SRBD1: variants seen among roughly 807,000 people sequenced by gnomAD.
The protein encoded by SRBD1 is S1 RNA binding domain 1.
A neutral mutation model predicts 115.3 loss-of-function variants in SRBD1; 88 were observed. That is an observed-to-expected ratio of 0.76 (90% CI 0.64 to 0.91). SRBD1 has a LOEUF of 0.91. Ranked by LOEUF, SRBD1 falls within the 40% of genes least tolerant of loss-of-function variation. The pLI is 0.00. For synonymous variants in SRBD1, 509 were observed against 407.7 expected (o/e 1.25, Z -2.99); for missense variants, 1,385 against 1,177.4 (o/e 1.18, Z -2.58).
chr2:45,492,797 T>G (rs1480597849), intron 14 of SRBD1, among the ~76,000 whole-genome samples: 1 of 152,210 alleles, frequency 6.6e-6, no homozygotes, highest in African/African-American at 2.4e-5. Context: ...TTTACAAGAT[T>G]TCATGAAGAC....
chr2:45,499,294 T>C (rs1053929443), intron 14 of SRBD1, among the ~76,000 whole-genome samples: 4 of 152,218 alleles, frequency 2.6e-5, no homozygotes, highest in Middle Eastern at 3.2e-3. Flanking sequence ...CTGTATGTCT[T>C]CTTCTGAGAA....
chr2:45,565,756 C>G (rs764400883), intron 9 of SRBD1, among the ~76,000 whole-genome samples: 1 of 152,168 alleles, frequency 6.6e-6, no homozygotes, highest in Non-Finnish European at 1.5e-5. Context: ...AAAACTCCTA[C>G]AGCTCAACAA....
At chr2:45,412,828 T>C (rs1033848572) in intron 19 of SRBD1, among the ~76,000 whole-genome samples, 7 of 152,222 alleles carry the variant, frequency 4.6e-5, no homozygotes, top group African/African-American at 1.4e-4. Context: ...AATTGTGTCT[T>C]GTTAATTTCC....
At chr2:45,565,238 T>C (rs1672789902) in intron 9 of SRBD1, among the ~76,000 whole-genome samples, 1 of 152,124 alleles carries the variant, frequency 6.6e-6, no homozygotes, top group South Asian at 2.1e-4. Context: ...CAAAACTGAC[T>C]ACAAAGCCAC....
At chr2:45,390,906 T>A (rs1030180294) in intron 20 of SRBD1, among the ~76,000 whole-genome samples, 3 of 152,236 alleles carry the variant, frequency 2.0e-5, no homozygotes, top group Non-Finnish European at 2.9e-5. Flanking sequence ...TTTTACCTGA[T>A]GCTAAAGCAG....
At chr2:45,484,646 GC>G (rs1420576782) in intron 15 of SRBD1, among the ~76,000 whole-genome samples, 2 of 152,130 alleles carry the variant, frequency 1.3e-5, no homozygotes, top group Non-Finnish European at 2.9e-5. Context: ...GTGCTACTTA[GC>G]ATACTTGCAA....
chr2:45,574,485 T>C, intron 8 of SRBD1, 142 bp downstream of exon 8: 2 of 673,694 alleles, frequency 3.0e-6, no homozygotes, highest in Non-Finnish European at 5.0e-6. Flanking sequence ...ATTTGGGCTC[T>C]GTTGTTTGAA....
rs1467686244 is a variant in SRBD1, at chr2:45,581,723, A to G, written c.903T>C (p.Asn301=). 2 of 1,613,522 alleles carry G rather than the reference A, an allele frequency of 1.2e-6. No individual in the cohort carries two copies. Among genetic ancestry groups the G allele is most frequent in the South Asian group, 1.1e-5 (1 of 91,048 alleles). Residue 301 remains asparagine (N), a synonymous_variant, in exon 6 of 21, where the codon AAT becomes AAC. Transcript: ENST00000263736. ...GTTCTAGTTCTTCAAAAGTTTTACA[A>G]TTCAGCATGGCTTTTAACAAGCACT... ...MSECLLKAML[N]CKTFEELEHV... is the part of the protein sequence containing the mutation.
intron 16 of SRBD1, among the ~76,000 whole-genome samples, chr2:45,476,570 C>T (rs756936073): frequency 3.9e-4 from 59 of 152,236 alleles, no homozygotes; most frequent in African/African-American, 1.3e-3. Context: ...ACAACAAAAA[C>T]GAGTACTATT....
At chr2:45,573,153 C>G in intron 9 of SRBD1, 54 bp downstream of exon 9, 3 of 1,497,346 alleles carry the variant, frequency 2.0e-6, no homozygotes, top group Non-Finnish European at 2.7e-6. Context: ...CAGGCAAATC[C>G]AAAATATTAT....
intron 5 of SRBD1, among the ~76,000 whole-genome samples, chr2:45,582,463 T>C (rs1673394917): frequency 6.6e-6 from 1 of 152,234 alleles, no homozygotes; most frequent in Admixed American, 6.5e-5. Flanking sequence ...ACACAGGTAC[T>C]CTTTATTCCT....
chr2:45,605,272 C>T (rs915861200), intron 2 of SRBD1, 90 bp downstream of exon 2: 1 of 1,296,572 alleles, frequency 7.7e-7, no homozygotes, highest in African/African-American at 1.5e-5. Context: ...CTACCCACAT[C>T]ACTTAAGGAG....
intron 16 of SRBD1, among the ~76,000 whole-genome samples, chr2:45,459,900 G>A (rs1420082473): frequency 2.6e-5 from 4 of 152,094 alleles, no homozygotes; most frequent in African/African-American, 9.7e-5. Context: ...TTAGTTTAAA[G>A]CAGGCTCCTG....
At chr2:45,595,548 G>A (rs1006773968) in intron 4 of SRBD1, among the ~76,000 whole-genome samples, 1 of 152,078 alleles carries the variant, frequency 6.6e-6, no homozygotes, top group African/African-American at 2.4e-5. Flanking sequence ...TGATTTTCTG[G>A]CTTGGTATTA....
chr2:45,427,179 A>G (rs1558385875), intron 16 of SRBD1, among the ~76,000 whole-genome samples: 1 of 150,264 alleles, frequency 6.7e-6, no homozygotes, highest in South Asian at 2.1e-4. Flanking sequence ...CAGTTTAGAG[A>G]AGAACATAAA....
intron 20 of SRBD1, among the ~76,000 whole-genome samples, chr2:45,392,036 C>G (rs945806435): frequency 2.0e-5 from 3 of 152,080 alleles, no homozygotes; most frequent in Non-Finnish European, 4.4e-5. Flanking sequence ...CTGAAACATC[C>G]ACATTGTGTG....
intron 14 of SRBD1, among the ~76,000 whole-genome samples, chr2:45,545,315 A>AAAC (rs1209226372): frequency 1.1e-4 from 14 of 123,614 alleles, no homozygotes; most frequent in East Asian, 2.5e-4. Context: ...AAAAAAAAAA[A>AAAC]CAGATGAACC....
intron 9 of SRBD1, among the ~76,000 whole-genome samples, chr2:45,564,731 A>T (rs1672773626): frequency 6.6e-6 from 1 of 152,250 alleles, no homozygotes. Flanking sequence ...TACAGGTTTA[A>T]ACTGCATGTG....
chr2:45,527,768 A>G (rs1444066435), intron 14 of SRBD1, among the ~76,000 whole-genome samples: 2 of 151,878 alleles, frequency 1.3e-5, no homozygotes, highest in Non-Finnish European at 2.9e-5. Context: ...CCATGGTAGT[A>G]AAGGATGAAG....
Sources: gnomAD v4.1 joint callset for allele counts (sites outside exome capture counted in the v4.1 genomes callset) on GRCh38, gnomAD v4.1.1 for gene constraint, MANE v1.5 for transcripts, NCBI Gene and HGNC (gene_info 2026-07-23, HGNC 2026-07-21) for gene names.